FOXM1: variants seen among roughly 807,000 people sequenced by gnomAD.
FOXM1 encodes the protein forkhead box protein M1.
A neutral mutation model predicts 63.6 loss-of-function variants in FOXM1; 25 were observed. That is an observed-to-expected ratio of 0.39 (90% confidence interval 0.29 to 0.55). The LOEUF is 0.55. FOXM1 is among the 20% of genes least tolerant of loss of function. The pLI is 0.60. For synonymous variants in FOXM1, 387 were observed against 376.9 expected, an observed-to-expected ratio of 1.03 and a Z score of -0.31; for missense variants, 879 against 958.7, an observed-to-expected ratio of 0.92 and a Z score of 1.10.
Position 2,872,216 on chromosome 12 carries a change from G to T in FOXM1, c.534C>A (p.Asn178Lys), listed in dbSNP as rs1458669366. ...GCCACTGGATGTTGGATAGGCTATT[G>T]TTGATAGTGCAGCCTGCTGCCTCAC... Reference protein sequence around the residue: ...ADGEAAGCTINNSLSNIQWLR... With the variant: ...ADGEAAGCTIKNSLSNIQWLR... The change falls in exon 3 of 9, where the codon AAC (asparagine) becomes AAA (lysine). Residue 178 changes from asparagine (N) to lysine (K), a missense_variant. Physicochemically the swap from Asn to Lys is moderately conservative, Grantham distance 94. This residue lies in a region of FOXM1 where 255 missense variants were observed against 292.4 expected (regional missense o/e 0.87). Coordinates refer to ENST00000359843, the MANE Select transcript of FOXM1 (RefSeq NM_021953.4). The surrounding 1 kb of genome is among the most constrained non-coding windows in gnomAD (Gnocchi z 4.0). The T allele has an allele frequency of 6.2e-7, 1 of 1,614,094 alleles. No individual in the cohort carries two copies. Among genetic ancestry groups the T allele is most frequent in the South Asian group, 1.1e-5 (1 of 91,086 alleles).
intron 4 of FOXM1, 43 bp downstream of exon 4, chr12:2,868,519 CA>C (rs1402344566): frequency 6.6e-7 from 1 of 1,508,116 alleles, no homozygotes; most frequent in Non-Finnish European, 9.1e-7. Context: ...GAGAGACTGT[CA>C]GGCTGGGCTG....
At position 2,858,405 on chromosome 12, in the gene FOXM1, T is replaced by G; in HGVS notation, c.*233A>C. The G allele has an allele frequency of 2.0e-6, 1 of 512,470 alleles. No individual in the cohort carries two copies. The highest frequency in any genetic ancestry group is 3.5e-6 in the Non-Finnish European group (1 of 288,186). The allele number at this position is 512,470 out of a possible 1,614,324, so 31.7% of individuals were successfully genotyped here. A position where few individuals can be genotyped will look rare whatever the true frequency, so the allele number is the denominator to read the frequency against. On this transcript the variant is annotated 3_prime_UTR_variant, in exon 9 of 9. Coordinates refer to ENST00000359843, the MANE Select transcript of FOXM1 (RefSeq NM_021953.4). Reference sequence around the variant, plus strand: ...TCTCTTTTCACCATTGCCTTTGTTGTTCCCACCCTTCAGCTCCTGGCAGGG... The same window carrying G: ...TCTCTTTTCACCATTGCCTTTGTTGGTCCCACCCTTCAGCTCCTGGCAGGG...
At chr12:2,876,226 A>G (rs2098143178) in intron 1 of FOXM1, 1 of 152,176 alleles carries the variant, frequency 6.6e-6, no homozygotes. Flanking sequence ...TCATCTGCAT[A>G]GAGTTCACAG....
At chr12:2,862,707 A>AT (rs113254945) in intron 8 of FOXM1, among the ~76,000 whole-genome samples, 6,193 of 143,440 alleles carry the variant, frequency 0.043, 421 homozygotes, top group African/African-American at 0.14. Context: ...ATTAAAAAAA[A>AT]ATTTTTTTTT....
At chr12:2,871,226 A>G (rs995687011) in intron 3 of FOXM1, among the ~76,000 whole-genome samples, 1 of 152,132 alleles carries the variant, frequency 6.6e-6, no homozygotes, top group Non-Finnish European at 1.5e-5. Context: ...AAAAGAAAAT[A>G]AAGGTTGAAT....
chr12:2,871,898 C>T (rs1382035538), intron 3 of FOXM1, among the ~76,000 whole-genome samples, 198 bp downstream of exon 3: 1 of 152,054 alleles, frequency 6.6e-6, no homozygotes, highest in African/African-American at 2.4e-5. Context: ...GGGACTCTGC[C>T]CTCAAGGAAA....
In FOXM1 at chr12:2,858,509, C is replaced by T; in HGVS notation, c.*129G>A. ...GGTGTGACTGCTACTTTTGCATAATCAGGCAGCAGGGAGCTATGAGGAGCA... is the reference window on the plus strand; with the variant it reads ...GGTGTGACTGCTACTTTTGCATAATTAGGCAGCAGGGAGCTATGAGGAGCA... On this transcript the variant is annotated 3_prime_UTR_variant, in exon 9 of 9. Transcript: ENST00000359843. The T allele has an allele frequency of 1.3e-6, 1 of 755,956 alleles. No homozygotes were observed. Among genetic ancestry groups the T allele is most frequent in the Non-Finnish European group, 2.1e-6 (1 of 478,278 alleles). The allele number at this position is 755,956 out of a possible 1,614,324, so 46.8% of individuals were successfully genotyped here. A position where few individuals can be genotyped will look rare whatever the true frequency, so the allele number is the denominator to read the frequency against.
In FOXM1 at chr12:2,858,518, G is replaced by GA. The variant is rs1489020776; in HGVS notation, c.*119_*120insT. 2.6e-3 allele frequency: 2,123 copies of GA among 816,118 alleles called. 8 individuals carry two copies. Among genetic ancestry groups the GA allele is most frequent in the Non-Finnish European group, 3.5e-3 (1,841 of 529,696 alleles). 50.6% of individuals were successfully genotyped at this position (816,118 alleles called of 1,614,324 possible). On this transcript the variant is annotated 3_prime_UTR_variant, in exon 9 of 9. Coordinates refer to ENST00000359843, the MANE Select transcript of FOXM1 (RefSeq NM_021953.4). ...GCTACTTTTGCATAATCAGGCAGCA[G>GA]GGAGCTATGAGGAGCAGAACAGTCC...
Position 2,874,130 on chromosome 12 carries a change from G to T in FOXM1, c.349C>A (p.Gln117Lys), listed in dbSNP as rs774531049. Reference protein sequence around the residue: ...ILISCGGAPTQPPGLRPQTQT... With the variant: ...ILISCGGAPTKPPGLRPQTQT... ...GTTTGAGGCCGGAGTCCTGGAGGCTGAGTTGGGGCTCCCCCACAGCTGATG... is the reference window on the plus strand; with the variant it reads ...GTTTGAGGCCGGAGTCCTGGAGGCTTAGTTGGGGCTCCCCCACAGCTGATG... Residue 117 changes from glutamine (Q) to lysine (K), a missense_variant, in exon 2 of 9, where the codon CAG becomes AAG. Physicochemically the swap from Gln to Lys is moderately conservative, Grantham distance 53. Coordinates refer to ENST00000359843, the MANE Select transcript of FOXM1 (RefSeq NM_021953.4). This position sits in a 1 kb window ranked among gnomAD's most constrained non-coding sequence, Gnocchi z 4.3. 2 of 1,614,192 alleles carry T rather than the reference G, an allele frequency of 1.2e-6. No homozygotes were observed. The highest frequency in any genetic ancestry group is 3.3e-5 in the Admixed American group (2 of 60,016).
chr12:2,871,290 T>G (rs11614769), intron 3 of FOXM1, among the ~76,000 whole-genome samples: 29 of 152,076 alleles, frequency 1.9e-4, no homozygotes, highest in Admixed American at 9.8e-4. Context: ...TTGGTAACTG[T>G]GGGAAAAAAA....
chr12:2,865,477 A>G, intron 5 of FOXM1, 78 bp from the exon 6 acceptor site: 1 of 1,204,678 alleles, frequency 8.3e-7, no homozygotes, highest in Non-Finnish European at 1.2e-6. Context: ...GGATTGGGAA[A>G]AACACTTATT....
rs2098138702 is a variant in FOXM1, at chr12:2,874,501, C to G, written c.-23G>C. 1 of 1,583,268 alleles carries G rather than the reference C, an allele frequency of 6.3e-7. No individual in the cohort carries two copies. The highest frequency in any genetic ancestry group is 8.6e-7 in the Non-Finnish European group (1 of 1,167,830). ...CATTATGAATCTGCGTTTTCACTCT[C>G]CATTGAGAATCACAAGTGTGGACCC... On this transcript the variant is annotated 5_prime_UTR_variant, in exon 2 of 9. Coordinates refer to ENST00000359843, the MANE Select transcript of FOXM1 (RefSeq NM_021953.4). This position sits in a 1 kb window ranked among gnomAD's most constrained non-coding sequence, Gnocchi z 4.3.
chr12:2,864,988 C>T lies in FOXM1; in HGVS notation c.1021-236G>A, dbSNP rs563986251. On this transcript the variant is annotated intron_variant, in intron 6 of 8. Transcript: ENST00000359843. This position sits in a 1 kb window ranked among gnomAD's most constrained non-coding sequence, Gnocchi z 5.1. ...CAGAGTGGCACTACCGCTTCACCCA[C>T]GTGTCCTCAACACCCCTGGGGGATG... The T allele has an allele frequency of 6.2e-5, 37 of 598,164 alleles. No individual in the cohort carries two copies. Among genetic ancestry groups the T allele is most frequent in the Middle Eastern group, 4.4e-4 (1 of 2,248 alleles). The allele number at this position is 598,164 out of a possible 1,614,324, so 37.1% of individuals were successfully genotyped here.
At chr12:2,873,206 T>C (rs1255677658) in intron 2 of FOXM1, among the ~76,000 whole-genome samples, 3 of 152,026 alleles carry the variant, frequency 2.0e-5, no homozygotes, top group Non-Finnish European at 4.4e-5. Flanking sequence ...AAGACCAACC[T>C]GGCTAACATG....
At chr12:2,862,137 C>T (rs1337011877) in intron 8 of FOXM1, among the ~76,000 whole-genome samples, 1 of 150,804 alleles carries the variant, frequency 6.6e-6, no homozygotes, top group African/African-American at 2.4e-5. Context: ...CAAGATCATG[C>T]CATTGCACTC....
chr12:2,863,707 CTTTCT>C (rs895405602), intron 8 of FOXM1: 1 of 149,452 alleles, frequency 6.7e-6, no homozygotes, highest in Non-Finnish European at 1.5e-5. Context: ...AAATCCACTT[CTTTCT>C]TTTCTTTTTT....
In FOXM1 at chr12:2,864,606, G is replaced by A; in HGVS notation, c.1090+77C>T. 2 of 1,583,818 alleles carry A rather than the reference G, an allele frequency of 1.3e-6. No homozygotes were observed. The highest frequency in any genetic ancestry group is 1.7e-6 in the Non-Finnish European group (2 of 1,153,024). On this transcript the variant is annotated intron_variant, in intron 7 of 8. Transcript: ENST00000359843. This position sits in a 1 kb window ranked among gnomAD's most constrained non-coding sequence, Gnocchi z 5.1. ...CTCAGATCCCTTTGAGGTGGGAACA[G>A]AATCCCAGAGTCTGGTTCCCTAAAG... is the stretch of plus-strand genomic sequence containing the variant.
intron 3 of FOXM1, among the ~76,000 whole-genome samples, chr12:2,870,957 C>CAAAAAAAAAAAAAAAAAAA (rs11310343): frequency 1.3e-4 from 5 of 39,126 alleles, no homozygotes; most frequent in African/African-American, 4.4e-4. Flanking sequence ...GACTACGTCT[C>CAAAAAAAAAAAAAAAAAAA]AAAAAAAAAA....
In FOXM1 at chr12:2,859,127, G is replaced by A. The variant is rs773778648; in HGVS notation, c.1803C>T (p.Pro601=). Residue 601 remains proline (P), a synonymous_variant, in exon 9 of 9, where the codon CCC becomes CCT. Coordinates refer to ENST00000359843, the MANE Select transcript of FOXM1 (RefSeq NM_021953.4). The part of the protein sequence containing the change: ...SQEVGGPFKT[P]IKETLPISST... ...AGGAGATGGGCAGCGTTTCCTTAAT[G>A]GGTGTCTTAAAAGGTCCTCCCACTT... 8 of 1,606,380 alleles carry A rather than the reference G, an allele frequency of 5.0e-6. 2 individuals are homozygous for A. In the South Asian group the frequency reaches 8.8e-5, roughly 18 times the overall value.
Sources: allele counts gnomAD v4.1 joint callset (sites outside exome capture counted in the v4.1 genomes callset), GRCh38; gene constraint gnomAD v4.1.1; regional missense constraint gnomAD v4.1.1; non-coding constraint Gnocchi (gnomAD v3.1); transcripts MANE v1.5; gene names NCBI Gene and HGNC (gene_info 2026-07-23, HGNC 2026-07-21).